The following WDR91 variants were observed in gnomAD, a reference collection of about 807,000 sequenced individuals.
The protein encoded by WDR91 is WD repeat-containing protein 91.
Under a neutral mutation model 88.4 loss-of-function variants are expected in WDR91, and 52 were observed. The ratio of observed to expected loss-of-function variants is 0.59; its 90% confidence interval spans 0.47 to 0.74. The LOEUF (loss-of-function observed/expected upper bound fraction) is 0.74. Ranked by LOEUF, WDR91 falls within the 30% of genes least tolerant of loss-of-function variation. The pLI, the probability that WDR91 is intolerant of heterozygous loss-of-function variation, is 0.00. For missense variants in WDR91, 824 were observed against 954.5 expected, an observed-to-expected ratio of 0.86 and a Z score of 1.80; for synonymous variants, 362 against 389.5, an observed-to-expected ratio of 0.93 and a Z score of 0.83.
intron 3 of WDR91, chr7:135,207,436 T>A: frequency 3.8e-6 from 2 of 520,562 alleles, no homozygotes; most frequent in Non-Finnish European, 7.5e-6. Context: ...CATGACCATC[T>A]GCCTGGCCAG....
intron 4 of WDR91, among the ~76,000 whole-genome samples, chr7:135,206,496 C>G (rs1831790243): frequency 6.6e-6 from 1 of 151,942 alleles, no homozygotes; most frequent in Non-Finnish European, 1.5e-5. Context: ...CCCCAAATCC[C>G]AAGAATCTTA....
chr7:135,200,792 CA>C (rs1479594095), intron 6 of WDR91, among the ~76,000 whole-genome samples: 2 of 152,178 alleles, frequency 1.3e-5, no homozygotes, highest in Non-Finnish European at 2.9e-5. Context: ...TGGAGACAGA[CA>C]TAAGTTGATA....
chr7:135,195,115 C>T (rs1424172347), intron 8 of WDR91, 31 bp from the exon 9 acceptor site: 2 of 1,601,334 alleles, frequency 1.2e-6, no homozygotes, highest in East Asian at 2.2e-5. Flanking sequence ...GGCCTGTCAG[C>T]TGGCCTCTCA....
Position 135,208,831 on chromosome 7 carries a change from C to T in WDR91, c.471G>A (p.Val157=), listed in dbSNP as rs1252196801. The change falls in exon 3 of 15, where the codon GTG becomes GTA. Residue 157 remains valine (V), a synonymous_variant. Transcript: ENST00000354475. ...FSRQWADTFI[V]SLHNFLSVLF... ...GGACGCTCAGGAAGTTGTGCAGGGA[C>T]ACAATGAAGGTGTCAGCCCACTGTC... 6 of 1,613,428 alleles carry T rather than the reference C, an allele frequency of 3.7e-6. No individual in the cohort carries two copies. The highest frequency in any genetic ancestry group is 5.1e-6 in the Non-Finnish European group (6 of 1,179,682).
Position 135,193,775 on chromosome 7 carries a change from G to T in WDR91, c.1396-103C>A, listed in dbSNP as rs926966925. The T allele has an allele frequency of 1.2e-5, 11 of 921,252 alleles. No homozygotes were observed. The Admixed American group carries it at 2.2e-4, about 19-fold the overall frequency. The allele number at this position is 921,252 out of a possible 1,614,324, so 57.1% of individuals were successfully genotyped here. On this transcript the variant is annotated intron_variant, in intron 9 of 14. Transcript: ENST00000354475. ...AGGCTGGGCAGGCTGTGGGGGTGAG[G>T]CCCCTCCTCTACGCATCCAGGCAGT...
At chr7:135,193,768 G>A (rs983871172) in intron 9 of WDR91, 96 bp from the exon 10 acceptor site, 18 of 1,006,642 alleles carry the variant, frequency 1.8e-5, no homozygotes, top group Admixed American at 1.6e-4. Context: ...CAGGCTGTGG[G>A]GGTGAGGCCC....
In WDR91 at chr7:135,196,376, G is replaced by C; in HGVS notation, c.1051-39C>G. ...GGTGGGGACAAGTCAGCCAGGAAAG[G>C]GTCCCCCACACCAGGGTGTACACCG... On this transcript the variant is annotated intron_variant, in intron 7 of 14. Coordinates refer to ENST00000354475, the MANE Select transcript of WDR91 (RefSeq NM_014149.4). This position sits in a 1 kb window ranked among gnomAD's most constrained non-coding sequence, Gnocchi z 4.2. The C allele has an allele frequency of 6.8e-7, 1 of 1,480,798 alleles. No homozygotes were observed. Among genetic ancestry groups the C allele is most frequent in the South Asian group, 1.4e-5 (1 of 72,954 alleles). 91.7% of individuals were successfully genotyped at this position (1,480,798 alleles called of 1,614,324 possible).
rs149381250 is a variant in WDR91, at chr7:135,187,437, C to T, written c.1882-268G>A. Among the ~76,000 whole-genome samples the T allele has an allele frequency of 1.6e-4, 25 of 152,312 alleles. No individual in the cohort carries two copies. In the Middle Eastern group the frequency reaches 0.014, roughly 83 times the overall value. The stretch of plus-strand genomic sequence containing the variant: ...AGAGGCAGCAACCTCACATTAAAGT[C>T]CAACCCTTCTCTTTCTCTCTGGCCT... On this transcript the variant is annotated intron_variant, in intron 13 of 14. Coordinates refer to ENST00000354475, the MANE Select transcript of WDR91 (RefSeq NM_014149.4).
rs768145637 is a variant in WDR91, at chr7:135,186,108, C to T, written c.*43G>A. 1.9e-5 allele frequency: 29 copies of T among 1,547,298 alleles called. No individual in the cohort carries two copies. The highest frequency in any genetic ancestry group is 2.2e-5 in the Non-Finnish European group (25 of 1,151,146). On this transcript the variant is annotated 3_prime_UTR_variant, in exon 15 of 15. Transcript: ENST00000354475. ...CCTGTCCTATATCTCCTCCCCCCAC[C>T]GCAGATAATACTGCTTCCTCGGGTG...
intron 11 of WDR91, among the ~76,000 whole-genome samples, 200 bp downstream of exon 11, chr7:135,193,031 G>A (rs1452669116): frequency 1.3e-5 from 2 of 152,210 alleles, no homozygotes; most frequent in Non-Finnish European, 2.9e-5. Flanking sequence ...GGTTCTGGGT[G>A]TCTTCTAAGT....
rs1169291048 is a variant in WDR91, at chr7:135,205,801, C to CA, written c.725+126dup. On this transcript the variant is annotated intron_variant, in intron 5 of 14. Transcript: ENST00000354475. ...GCTCTCAAGCAAGAGCAGTGTGTGC[C>CA]AGGAGGCTCTTCCGCAATTCTCCTT... 5.1e-6 allele frequency: 7 copies of CA among 1,384,304 alleles called. No homozygotes were observed. In the African/African-American group the frequency reaches 1.0e-4, roughly 20 times the overall value. The allele number at this position is 1,384,304 out of a possible 1,614,324, so 85.8% of individuals were successfully genotyped here.
Position 135,211,421 on chromosome 7 carries a change from G to A in WDR91, c.82C>T (p.Leu28=), listed in dbSNP as rs1832015873. ...FRGFTHTLRQ[L]DAEIKADKEK... Reference sequence around the variant, plus strand: ...TTGTCCGCCTTGATCTCGGCGTCCAGCTGCCGCAGTGTGTGCGTGAACCCG... The same window carrying A: ...TTGTCCGCCTTGATCTCGGCGTCCAACTGCCGCAGTGTGTGCGTGAACCCG... The change falls in exon 1 of 15, where the codon CTG becomes TTG. Residue 28 remains leucine (L), a synonymous_variant. Transcript: ENST00000354475. 6.2e-7 allele frequency: 1 copy of A among 1,612,182 alleles called. No homozygotes were observed. Among genetic ancestry groups the A allele is most frequent in the East Asian group, 2.2e-5 (1 of 44,788 alleles).
In WDR91 at chr7:135,193,591, C is replaced by T. The variant is rs562670557; in HGVS notation, c.1477G>A (p.Asp493Asn). The T allele has an allele frequency of 1.1e-5, 17 of 1,614,094 alleles. No individual in the cohort carries two copies. Among genetic ancestry groups the T allele is most frequent in the Non-Finnish European group, 1.2e-5 (14 of 1,180,000 alleles). The change falls in exon 10 of 15, where the codon GAC becomes AAC. Residue 493 changes from aspartate to asparagine, a missense_variant. Transcript: ENST00000354475. ...GTTCCAGTTCACCTGGGCATGTTGTCGTTGATATTGATTTCACAGAGATTC... is the reference window on the plus strand; with the variant it reads ...GTTCCAGTTCACCTGGGCATGTTGTTGTTGATATTGATTTCACAGAGATTC... Reference protein sequence around the residue: ...KKNLCEININDNMPRILSLAC... With the variant: ...KKNLCEININNNMPRILSLAC...
rs36057801 is a variant in WDR91 at position 135,196,285 on chromosome 7, T to G, written c.1103A>C (p.Glu368Ala). Residue 368 changes from glutamate to alanine, a missense_variant, in exon 8 of 15, where the codon GAG becomes GCG. Coordinates refer to ENST00000354475, the MANE Select transcript of WDR91 (RefSeq NM_014149.4). The surrounding 1 kb of genome is among the most constrained non-coding windows in gnomAD (Gnocchi z 4.2). ...TGGCTCCACTGGCTCCGTGTGGAGC[T>G]CTGGGCAGGGCTCAGCCTCTGGGCC... ...ASGPEAEPCP[E>A]LHTEPVEPLT... is the part of the protein sequence containing the mutation. The G allele has an allele frequency of 1.3e-5, 21 of 1,607,972 alleles. No individual in the cohort carries two copies. The African/African-American group carries it at 2.5e-4, about 20-fold the overall frequency.
intron 5 of WDR91, among the ~76,000 whole-genome samples, chr7:135,204,818 T>C (rs1350447038): frequency 6.6e-6 from 1 of 152,240 alleles, no homozygotes; most frequent in African/African-American, 2.4e-5. Context: ...ATTAACATTT[T>C]GTTTATATCC....
intron 11 of WDR91, among the ~76,000 whole-genome samples, chr7:135,190,678 A>T (rs1448525220): frequency 6.7e-6 from 1 of 148,628 alleles, no homozygotes; most frequent in Non-Finnish European, 1.5e-5. Context: ...AGCAGGTTTT[A>T]AAAAATGAAG....
chr7:135,186,909 C>A, intron 14 of WDR91, 63 bp downstream of exon 14: 3 of 1,598,036 alleles, frequency 1.9e-6, no homozygotes, highest in Non-Finnish European at 1.7e-6. Flanking sequence ...ATGGCCCAGA[C>A]CTCCAGGGAG....
intron 13 of WDR91, among the ~76,000 whole-genome samples, chr7:135,188,143 A>C (rs949483619): frequency 6.6e-6 from 1 of 152,134 alleles, no homozygotes; most frequent in African/African-American, 2.4e-5. Flanking sequence ...ACCACTCACT[A>C]CCAAGCCCAG....
chr7:135,186,874 G>T, intron 14 of WDR91, 98 bp downstream of exon 14: 1 of 1,417,452 alleles, frequency 7.1e-7, no homozygotes, highest in Non-Finnish European at 9.9e-7. Flanking sequence ...ATGCAGCTCG[G>T]GGTAGAGGGC....
Sources: gnomAD v4.1 joint callset for allele counts (sites outside exome capture counted in the v4.1 genomes callset) on GRCh38, gnomAD v4.1.1 for gene constraint, Gnocchi (gnomAD v3.1) non-coding constraint, MANE v1.5 for transcripts, NCBI Gene and HGNC (gene_info 2026-07-23, HGNC 2026-07-21) for gene names.